TMOD2: variants seen among roughly 807,000 people sequenced by gnomAD.
The protein encoded by TMOD2 is tropomodulin-2.
TMOD2 carries 22 observed loss-of-function variants against 39.9 expected under a neutral mutation model. That is an observed-to-expected ratio of 0.55 (90% CI 0.39 to 0.79). The LOEUF (loss-of-function observed/expected upper bound fraction) is 0.79. Ranked by LOEUF, TMOD2 falls within the 30% of genes least tolerant of loss-of-function variation. TMOD2 has a pLI of 0.00. For missense variants in TMOD2, 386 were observed against 413.3 expected (o/e 0.93, Z 0.57); for synonymous variants, 123 against 146.1 (o/e 0.84, Z 1.14).
At chr15:51,804,427 G>T (rs1291638700) in intron 8 of TMOD2, among the ~76,000 whole-genome samples, 1 of 152,246 alleles carries the variant, frequency 6.6e-6, no homozygotes, top group East Asian at 1.9e-4. Context: ...TGAATGCATA[G>T]AAAATGTTTA....
At chr15:51,759,676 G>A (rs141294412) in intron 1 of TMOD2, among the ~76,000 whole-genome samples, 28 of 152,304 alleles carry the variant, frequency 1.8e-4, no homozygotes, top group South Asian at 4.1e-4. Context: ...AGAGCAGAGC[G>A]CATAGATAGG....
In TMOD2 at chr15:51,781,045, T is replaced by C. The variant is rs2055926190; in HGVS notation, c.495T>C (p.Asn165=). ...NNKGGKGPVR[N]VVKGEKVKPV... ...TTAAAATGAAAACTTGTGTTTTAGATGTTGTCAAAGGTGAAAAAGTAAAGC... is the reference window on the plus strand; with the variant it reads ...TTAAAATGAAAACTTGTGTTTTAGACGTTGTCAAAGGTGAAAAAGTAAAGC... The change falls in exon 6 of 10, where the codon AAT becomes AAC. Residue 165 remains asparagine (N), a splice_region_variant and synonymous_variant. Coordinates refer to ENST00000249700, the MANE Select transcript of TMOD2 (RefSeq NM_014548.4). The C allele has an allele frequency of 6.3e-7, 1 of 1,590,212 alleles. No homozygotes were observed. The highest frequency in any genetic ancestry group is 8.5e-7 in the Non-Finnish European group (1 of 1,172,844).
chr15:51,795,563 C>CTGCTTGCTTGCT (rs144124016), intron 7 of TMOD2, among the ~76,000 whole-genome samples: 2 of 82,782 alleles, frequency 2.4e-5, no homozygotes, highest in East Asian at 2.7e-4. Context: ...TTCTTCTCTT[C>CTGCTTGCTTGCT]TGCTTGCTTG....
At chr15:51,798,468 T>TC (rs1222595598) in intron 8 of TMOD2, 128 bp downstream of exon 8, 1 of 1,192,166 alleles carries the variant, frequency 8.4e-7, no homozygotes, top group African/African-American at 1.6e-5. Flanking sequence ...GGATTTCCTG[T>TC]AAGTTTTAGA....
chr15:51,770,514 A>G (rs935663433), intron 3 of TMOD2, among the ~76,000 whole-genome samples: 4 of 152,206 alleles, frequency 2.6e-5, no homozygotes, highest in Non-Finnish European at 1.5e-5. Context: ...GTACTGCAGC[A>G]GTAGGAGCAG....
At chr15:51,782,939 C>T (rs978197746) in intron 7 of TMOD2, 111 bp downstream of exon 7, 2 of 971,410 alleles carry the variant, frequency 2.1e-6, no homozygotes, top group South Asian at 1.5e-5. Context: ...TTACCTTCTA[C>T]ACAGTTAGTG....
intron 1 of TMOD2, among the ~76,000 whole-genome samples, chr15:51,757,915 A>AG (rs1169522810): frequency 6.6e-6 from 1 of 152,168 alleles, no homozygotes; most frequent in Non-Finnish European, 1.5e-5. Flanking sequence ...AAATTTAAAA[A>AG]CTAGCTGAGT....
Position 51,811,265 on chromosome 15 carries a change from A to G in TMOD2, c.*2811A>G, listed in dbSNP as rs1348337173. On this transcript the variant is annotated 3_prime_UTR_variant, in exon 10 of 10. Coordinates refer to ENST00000249700, the MANE Select transcript of TMOD2 (RefSeq NM_014548.4). ...TCATGGGCACAGTTAATCCTTTGCT[A>G]TCCATTGTGATGGGGCATAATGTAT... is the stretch of plus-strand genomic sequence containing the variant. 6.6e-6 allele frequency: 1 copy of G among 152,198 alleles called. No homozygotes were observed. The allele number at this position is 152,198 out of a possible 1,614,324, so 9.4% of individuals were successfully genotyped here. A position where few individuals can be genotyped will look rare whatever the true frequency, so the allele number is the denominator to read the frequency against.
rs931912427 is a variant in TMOD2, at chr15:51,812,122, C to G, written c.*3668C>G. ...GTCTCCCAGCCCTGCTTCCCTCGTC[C>G]CTGTCCAAGTTGCTGCAGGCCCAGG... On this transcript the variant is annotated 3_prime_UTR_variant, in exon 10 of 10. Transcript: ENST00000249700. 6 of 152,088 alleles carry G rather than the reference C, an allele frequency of 3.9e-5. No homozygotes were observed. Among genetic ancestry groups the G allele is most frequent in the Non-Finnish European group, 8.8e-5 (6 of 68,020 alleles). 9.4% of individuals were successfully genotyped at this position (152,088 alleles called of 1,614,324 possible). A position where few individuals can be genotyped will look rare whatever the true frequency, so the allele number is the denominator to read the frequency against.
chr15:51,766,673 T>C (rs1406521976), intron 2 of TMOD2, 106 bp downstream of exon 2: 3 of 1,270,280 alleles, frequency 2.4e-6, no homozygotes, highest in Non-Finnish European at 3.3e-6. Context: ...AATGCACATT[T>C]TCTTTTCTTC....
At chr15:51,787,475 C>T (rs2055978738) in intron 7 of TMOD2, among the ~76,000 whole-genome samples, 1 of 152,262 alleles carries the variant, frequency 6.6e-6, no homozygotes, top group Non-Finnish European at 1.5e-5. Context: ...AATGTCCCTG[C>T]CTGACAGCTC....
intron 1 of TMOD2, among the ~76,000 whole-genome samples, chr15:51,764,115 C>A (rs1567235543): frequency 1.3e-5 from 2 of 151,666 alleles, no homozygotes; most frequent in African/African-American, 4.8e-5. Flanking sequence ...TGGGAGACCT[C>A]ATCTCTACAA....
rs377077610 is a variant in TMOD2, at chr15:51,769,269, C to T, written c.283+851C>T. Reference sequence around the variant, plus strand: ...CTAGGCACTGGTGTATTTCTCTTAGCCTGGTGCTTTACCAACTTCAGAAGT... The same window carrying T: ...CTAGGCACTGGTGTATTTCTCTTAGTCTGGTGCTTTACCAACTTCAGAAGT... On this transcript the variant is annotated intron_variant, in intron 3 of 9. Coordinates refer to ENST00000249700, the MANE Select transcript of TMOD2 (RefSeq NM_014548.4). 2.6e-5 allele frequency among the ~76,000 whole-genome samples: 4 copies of T among 152,276 alleles called. No individual in the cohort carries two copies. The East Asian group carries it at 7.7e-4, about 29-fold the overall frequency.
intron 9 of TMOD2, among the ~76,000 whole-genome samples, chr15:51,807,558 G>A (rs1163446306): frequency 1.3e-5 from 2 of 152,190 alleles, no homozygotes; most frequent in East Asian, 1.9e-4. Context: ...CAATCAGAAG[G>A]CACCTAGGAA....
intron 7 of TMOD2, among the ~76,000 whole-genome samples, chr15:51,789,062 G>A (rs2055990803): frequency 6.6e-6 from 1 of 152,128 alleles, no homozygotes; most frequent in African/African-American, 2.4e-5. Flanking sequence ...GACACAGACT[G>A]GCAAATTGGA....
chr15:51,778,578 C>T (rs2055906521), intron 5 of TMOD2, among the ~76,000 whole-genome samples: 1 of 148,120 alleles, frequency 6.8e-6, no homozygotes, highest in Non-Finnish European at 1.5e-5. Context: ...TAAGGAAGGA[C>T]CAATAACCAG....
At chr15:51,797,283 C>T (rs975233171) in intron 7 of TMOD2, among the ~76,000 whole-genome samples, 2 of 152,148 alleles carry the variant, frequency 1.3e-5, no homozygotes, top group Non-Finnish European at 2.9e-5. Context: ...ACCAGAGGCT[C>T]TTCCTGGGAG....
chr15:51,795,563 CTGCTTGCT>C (rs144124016), intron 7 of TMOD2, among the ~76,000 whole-genome samples: 12,228 of 82,612 alleles, frequency 0.15, 1,043 homozygotes, highest in Non-Finnish European at 0.19. Flanking sequence ...TTCTTCTCTT[CTGCTTGCT>C]TGCTTGCTTT....
In TMOD2 at chr15:51,793,807, G is replaced by A. The variant is rs117864345; in HGVS notation, c.733-4390G>A. Among the ~76,000 whole-genome samples the A allele has an allele frequency of 1.7e-3, 260 of 152,322 alleles. 11 individuals carry two copies. Among genetic ancestry groups the A allele is most frequent in the East Asian group, 0.017 (87 of 5,182 alleles). On this transcript the variant is annotated intron_variant, in intron 7 of 9. Coordinates refer to ENST00000249700, the MANE Select transcript of TMOD2 (RefSeq NM_014548.4). ...TGCAACTTTCTGTAAAGGCCTAATT[G>A]CTCTGACATTTTGTTATTCTAATAA...
Sources: allele counts gnomAD v4.1 joint callset (sites outside exome capture counted in the v4.1 genomes callset), GRCh38; gene constraint gnomAD v4.1.1; transcripts MANE v1.5; gene names NCBI Gene and HGNC (gene_info 2026-07-23, HGNC 2026-07-21).